DHRSX: variants seen among roughly 807,000 people sequenced by gnomAD.
DHRSX encodes the protein dehydrogenase/reductase X-linked.
A neutral mutation model predicts 34.0 loss-of-function variants in DHRSX; 31 were observed. The observed-to-expected ratio is 0.91, with a 90% confidence interval of 0.69 to 1.23. DHRSX has a LOEUF of 1.23. Among genes scored for constraint, DHRSX ranks in the 50% most tolerant of loss-of-function variants. The probability of loss-of-function intolerance (pLI) is 0.00; values close to 1 mark genes in which losing one functional copy is unlikely to be tolerated. For missense variants in DHRSX, 414 were observed against 428.1 expected (o/e 0.97, Z 0.29); for synonymous variants, 201 against 183.8 (o/e 1.09, Z -0.76).
Position 2,243,318 on chromosome X carries a change from G to A in DHRSX, c.597-88C>T, listed in dbSNP as rs868620281. 2.6e-5 allele frequency: 31 copies of A among 1,207,182 alleles called. 1 individual carries two copies. The Middle Eastern group carries it at 1.6e-3, about 62-fold the overall frequency. 74.8% of individuals were successfully genotyped at this position (1,207,182 alleles called of 1,614,324 possible). ...CAGCAGCATCTGTACCTGCGGCCAC[G>A]GCCACGTCTATACGCAGCCACCTCC... On this transcript the variant is annotated intron_variant, in intron 5 of 6. Transcript: ENST00000334651.
intron 3 of DHRSX, among the ~76,000 whole-genome samples, chrX:2,362,361 T>G (rs1428198020): frequency 2.6e-5 from 4 of 152,182 alleles, no homozygotes; most frequent in Non-Finnish European, 5.9e-5. Flanking sequence ...AATGCAGTGG[T>G]GTGATCTTGG....
intron 3 of DHRSX, among the ~76,000 whole-genome samples, chrX:2,352,289 G>A (rs1170084309): frequency 6.6e-6 from 1 of 152,192 alleles, no homozygotes; most frequent in African/African-American, 2.4e-5. Flanking sequence ...GCAAAGAAGC[G>A]AATGGGATAG....
At chrX:2,490,042 C>T in intron 1 of DHRSX, 3 of 1,613,798 alleles carry the variant, frequency 1.9e-6, no homozygotes, top group Non-Finnish European at 2.5e-6. Context: ...AGCCCATGGA[C>T]AGGCAGTTGG....
chrX:2,412,396 C>CATCTTAG (rs2043642743), intron 2 of DHRSX, among the ~76,000 whole-genome samples: 1 of 152,080 alleles, frequency 6.6e-6, no homozygotes, highest in South Asian at 2.1e-4. Context: ...GTTTTTTTCA[C>CATCTTAG]ATCTTAGGAA....
chrX:2,255,987 A>G (rs779535122), intron 5 of DHRSX, among the ~76,000 whole-genome samples: 22 of 152,028 alleles, frequency 1.4e-4, no homozygotes, highest in African/African-American at 5.1e-4. Flanking sequence ...TAAAGAATAG[A>G]AAATGATTTT....
intron 3 of DHRSX, among the ~76,000 whole-genome samples, chrX:2,347,876 C>T (rs2042740526): frequency 6.6e-6 from 1 of 152,170 alleles, no homozygotes; most frequent in Non-Finnish European, 1.5e-5. Flanking sequence ...TGCAGTTAGA[C>T]TGTAGGCTCC....
rs2041542810 is a variant in DHRSX, at chrX:2,270,893, A to ATAAAATGGACCAATCAGCGCTCTG, written c.389-3947_389-3946insCAGAGCGCTGATTGGTCCATTTTA. Among the ~76,000 whole-genome samples, 6 of 112,738 alleles carry ATAAAATGGACCAATCAGCGCTCTG rather than the reference A, an allele frequency of 5.3e-5. No individual in the cohort carries two copies. The Admixed American group carries it at 5.8e-4, about 11-fold the overall frequency. The allele number at this position is 112,738 out of a possible 152,430, so 74.0% of individuals were successfully genotyped here. On this transcript the variant is annotated intron_variant, in intron 4 of 6. Coordinates refer to ENST00000334651, the MANE Select transcript of DHRSX (RefSeq NM_145177.3). Reference sequence around the variant, plus strand: ...TGTAAAATGGACCAATCAATGCTCTATAAAATGGACCAATCAGCACTCTGT... The same window carrying ATAAAATGGACCAATCAGCGCTCTG: ...TGTAAAATGGACCAATCAATGCTCTATAAAATGGACCAATCAGCGCTCTGTAAAATGGACCAATCAGCACTCTGT...
At chrX:2,416,700 C>T (rs144898207) in intron 2 of DHRSX, among the ~76,000 whole-genome samples, 3 of 152,064 alleles carry the variant, frequency 2.0e-5, no homozygotes, top group African/African-American at 7.2e-5. Flanking sequence ...AAAATGATCC[C>T]CCACCAAAAT....
intron 1 of DHRSX, among the ~76,000 whole-genome samples, chrX:2,465,929 A>T (rs2044488334): frequency 6.6e-6 from 1 of 152,210 alleles, no homozygotes. Context: ...CTCTTAGCTA[A>T]TCAAATCTAC....
intron 1 of DHRSX, among the ~76,000 whole-genome samples, chrX:2,472,544 T>C (rs1293269026): frequency 2.0e-5 from 3 of 152,026 alleles, no homozygotes; most frequent in Non-Finnish European, 4.4e-5. Context: ...CCAAGATGGG[T>C]GGATCACTTG....
chrX:2,350,879 A>G (rs2042780885), intron 3 of DHRSX, among the ~76,000 whole-genome samples: 2 of 152,202 alleles, frequency 1.3e-5, no homozygotes, highest in Non-Finnish European at 2.9e-5. Flanking sequence ...GTATGTAGAC[A>G]CTATGGAATA....
At chrX:2,492,884 A>G (rs2045190393) in intron 1 of DHRSX, among the ~76,000 whole-genome samples, 1 of 152,244 alleles carries the variant, frequency 6.6e-6, no homozygotes, top group African/African-American at 2.4e-5. Flanking sequence ...TTATTAAAGC[A>G]AGGTATTCTG....
At chrX:2,243,799 T>TGTTTGTTTG (rs1485746466) in intron 5 of DHRSX, among the ~76,000 whole-genome samples, 2 of 23,344 alleles carry the variant, frequency 8.6e-5, no homozygotes, top group African/African-American at 1.7e-4. Context: ...TTTTTTTTTT[T>TGTTTGTTTG]TTTTTTTTTT....
intron 6 of DHRSX, among the ~76,000 whole-genome samples, chrX:2,231,854 CTT>C (rs1336360279): frequency 6.8e-6 from 1 of 146,720 alleles, no homozygotes; most frequent in Non-Finnish European, 1.5e-5. Context: ...TTTTCTCCCT[CTT>C]CTTCCTCCTC....
intron 3 of DHRSX, among the ~76,000 whole-genome samples, chrX:2,405,435 C>G (rs1027551337): frequency 6.6e-6 from 1 of 151,940 alleles, no homozygotes; most frequent in Non-Finnish European, 1.5e-5. Context: ...TTGCAGTGAG[C>G]CGAGATCACA....
chrX:2,439,372 G>C (rs901168154), intron 1 of DHRSX, among the ~76,000 whole-genome samples: 3 of 152,018 alleles, frequency 2.0e-5, no homozygotes, highest in Admixed American at 2.0e-4. Flanking sequence ...CTTAAAGTAA[G>C]AGTGACAGCA....
At chrX:2,476,988 G>C (rs1209798214) in intron 1 of DHRSX, among the ~76,000 whole-genome samples, 1 of 152,178 alleles carries the variant, frequency 6.6e-6, no homozygotes, top group Admixed American at 6.5e-5. Flanking sequence ...GGCAACAGTA[G>C]CAAAACTCCA....
At chrX:2,322,561 A>C (rs2042324765) in intron 3 of DHRSX, among the ~76,000 whole-genome samples, 1 of 151,730 alleles carries the variant, frequency 6.6e-6, no homozygotes. Flanking sequence ...ATCTCAAAAA[A>C]AAAAAAAAAA....
At chrX:2,310,579 GGA>G (rs745875927) in intron 3 of DHRSX, among the ~76,000 whole-genome samples, 1,627 of 148,044 alleles carry the variant, frequency 0.011, 41 homozygotes, top group Admixed American at 0.061. Context: ...AGAGAGAGAG[GGA>G]GAGAGAGAGA....
Sources: allele counts gnomAD v4.1 joint callset (sites outside exome capture counted in the v4.1 genomes callset), GRCh38; gene constraint gnomAD v4.1.1; transcripts MANE v1.5; gene names NCBI Gene and HGNC (gene_info 2026-07-23, HGNC 2026-07-21).